CTNNA3: variants seen among roughly 807,000 people sequenced by gnomAD.
CTNNA3 encodes catenin alpha 3.
Under a neutral mutation model 95.7 loss-of-function variants are expected in CTNNA3, and 76 were observed. The ratio of observed to expected loss-of-function variants is 0.79; its 90% CI spans 0.66 to 0.96. CTNNA3 has a LOEUF of 0.96. Ranked by LOEUF, CTNNA3 falls within the 40% of genes least tolerant of loss-of-function variation. CTNNA3 has a pLI of 0.00. For synonymous variants in CTNNA3, 431 were observed against 374.4 expected (o/e 1.15, Z -1.74); for missense variants, 1,191 against 1,089.8 (o/e 1.09, Z -1.31).
At chr10:66,264,172 A>G (rs10822783) in intron 13 of CTNNA3, among the ~76,000 whole-genome samples, 40,741 of 151,776 alleles carry the variant, frequency 0.27, 6,117 homozygotes, top group African/African-American at 0.39. Context: ...AGCAAATTCA[A>G]TATCTAAAGG....
intron 15 of CTNNA3, among the ~76,000 whole-genome samples, chr10:66,022,305 A>G (rs2133428868): frequency 6.6e-6 from 1 of 152,306 alleles, no homozygotes; most frequent in East Asian, 1.9e-4. Flanking sequence ...CAGTAGCTTT[A>G]AACAAAAGTT....
chr10:66,009,758 T>C (rs1362779688), intron 15 of CTNNA3, among the ~76,000 whole-genome samples: 2 of 152,180 alleles, frequency 1.3e-5, no homozygotes, highest in Non-Finnish European at 1.5e-5. Context: ...ATAGATATCT[T>C]AGTTCTTGAA....
intron 12 of CTNNA3, among the ~76,000 whole-genome samples, chr10:66,330,293 C>T (rs191240454): frequency 6.8e-6 from 1 of 147,216 alleles, no homozygotes; most frequent in African/African-American, 2.5e-5. Context: ...TTGTTCAATT[C>T]CTACCTATGA....
Position 65,982,685 on chromosome 10 carries a change from G to GTA in CTNNA3, c.2265+6005_2265+6006dup, listed in dbSNP as rs201980939. Among the ~76,000 whole-genome samples the GTA allele has an allele frequency of 1.2e-3, 173 of 148,906 alleles. 1 individual carries two copies. Among genetic ancestry groups the GTA allele is most frequent in the African/African-American group, 2.4e-3 (97 of 41,030 alleles). On this transcript the variant is annotated intron_variant, in intron 16 of 17. Coordinates refer to ENST00000433211, the MANE Select transcript of CTNNA3 (RefSeq NM_013266.4). ...ATGTGGTATATATGTGTGTGTGTAT[G>GTA]TATATATATATGTGTGTGTGTGTGT... is the stretch of plus-strand genomic sequence containing the variant.
chr10:66,830,616 T>G (rs374198711), intron 7 of CTNNA3, among the ~76,000 whole-genome samples: 1 of 151,140 alleles, frequency 6.6e-6, no homozygotes, highest in Non-Finnish European at 1.5e-5. Context: ...TTTTTTTTTG[T>G]TTTTCCTTTT....
chr10:67,164,673 T>C (rs752486288), intron 7 of CTNNA3, among the ~76,000 whole-genome samples: 89 of 152,190 alleles, frequency 5.8e-4, no homozygotes, highest in Non-Finnish European at 1.1e-3. Flanking sequence ...TATAAACAAC[T>C]CTTAATAATT....
intron 13 of CTNNA3, among the ~76,000 whole-genome samples, chr10:66,138,028 A>T (rs2083440392): frequency 7.2e-6 from 1 of 137,982 alleles, no homozygotes; most frequent in Non-Finnish European, 1.6e-5. Context: ...AAAAACAAAG[A>T]AAATAAAATA....
At chr10:66,989,524 C>T (rs531560381) in intron 7 of CTNNA3, among the ~76,000 whole-genome samples, 57 of 152,180 alleles carry the variant, frequency 3.7e-4, no homozygotes, top group African/African-American at 1.3e-3. Flanking sequence ...TATGTTTGGT[C>T]ATGTGGGATT....
At chr10:66,631,199 G>C (rs946875847) in intron 9 of CTNNA3, among the ~76,000 whole-genome samples, 2 of 152,082 alleles carry the variant, frequency 1.3e-5, no homozygotes, top group African/African-American at 4.8e-5. Context: ...TTACCTCTCT[G>C]TCTTTGGTCA....
chr10:67,598,319 G>A (rs1165326047), intron 3 of CTNNA3, among the ~76,000 whole-genome samples: 1 of 152,068 alleles, frequency 6.6e-6, no homozygotes, highest in Non-Finnish European at 1.5e-5. Flanking sequence ...GGATTCTTGA[G>A]GTCCCTGGTG....
chr10:66,673,013 A>G (rs1345393041), intron 9 of CTNNA3, among the ~76,000 whole-genome samples: 2 of 152,120 alleles, frequency 1.3e-5, no homozygotes, highest in Non-Finnish European at 2.9e-5. Context: ...GCAAATCCAG[A>G]TCTGGGCCTT....
chr10:66,307,005 T>A (rs2091944082), intron 12 of CTNNA3, among the ~76,000 whole-genome samples: 1 of 152,204 alleles, frequency 6.6e-6, no homozygotes, highest in African/African-American at 2.4e-5. Flanking sequence ...AACCTGCGTG[T>A]CAGGCACAAC....
chr10:66,582,877 C>A (rs1412987545), intron 10 of CTNNA3, among the ~76,000 whole-genome samples: 1 of 151,634 alleles, frequency 6.6e-6, no homozygotes, highest in South Asian at 2.1e-4. Flanking sequence ...AATGCTTTTT[C>A]TGCATCTATA....
chr10:67,201,439 C>T (rs1047460531), intron 6 of CTNNA3, among the ~76,000 whole-genome samples: 1 of 151,946 alleles, frequency 6.6e-6, no homozygotes, highest in Non-Finnish European at 1.5e-5. Context: ...TTGGCAGGCA[C>T]CTTATGTCTA....
chr10:67,125,516 A>T (rs550635526), intron 7 of CTNNA3, among the ~76,000 whole-genome samples: 223 of 152,336 alleles, frequency 1.5e-3, no homozygotes, highest in Non-Finnish European at 2.4e-3. Context: ...CCTCAAACTT[A>T]CATCTATGAA....
At chr10:66,037,612 C>T (rs567803581) in intron 15 of CTNNA3, among the ~76,000 whole-genome samples, 1 of 152,258 alleles carries the variant, frequency 6.6e-6, no homozygotes, top group South Asian at 2.1e-4. Context: ...CAGTGCACTA[C>T]CTGGAAATAC....
At chr10:65,969,959 G>A (rs76018736) in intron 16 of CTNNA3, among the ~76,000 whole-genome samples, 213 of 151,970 alleles carry the variant, frequency 1.4e-3, no homozygotes, top group Non-Finnish European at 2.4e-3. Flanking sequence ...ACGTCACCAA[G>A]GCATATAATC....
chr10:67,438,068 C>T (rs1041443046), intron 5 of CTNNA3, among the ~76,000 whole-genome samples: 1 of 151,918 alleles, frequency 6.6e-6, no homozygotes, highest in South Asian at 2.1e-4. Context: ...GAAAGAGCAA[C>T]AAATAATGGC....
intron 4 of CTNNA3, among the ~76,000 whole-genome samples, chr10:67,532,225 T>C (rs933817795): frequency 2.6e-5 from 4 of 152,210 alleles, no homozygotes; most frequent in Admixed American, 2.0e-4. Context: ...CCACAAAATA[T>C]ACATAGCTTC....
Sources: gnomAD v4.1 joint callset for allele counts (sites outside exome capture counted in the v4.1 genomes callset) on GRCh38, gnomAD v4.1.1 for gene constraint, MANE v1.5 for transcripts, NCBI Gene and HGNC (gene_info 2026-07-23, HGNC 2026-07-21) for gene names.